DGKB: variants seen among roughly 807,000 people sequenced by gnomAD.
DGKB encodes 90 kDa diacylglycerol kinase.
A neutral mutation model predicts 114.3 loss-of-function variants in DGKB; 67 were observed. The observed-to-expected ratio is 0.59, with a 90% CI of 0.48 to 0.72. The LOEUF (loss-of-function observed/expected upper bound fraction) is 0.72. DGKB is among the 30% of genes least tolerant of loss of function. The pLI, the probability that DGKB is intolerant of heterozygous loss-of-function variation, is 0.00. For missense variants in DGKB, 907 were observed against 975.2 expected, an observed-to-expected ratio of 0.93 and a Z score of 0.93; for synonymous variants, 398 against 323.1, an observed-to-expected ratio of 1.23 and a Z score of -2.49.
chr7:14,912,394 CAGTT>C (rs928714872), intron 1 of DGKB, among the ~76,000 whole-genome samples: 3 of 151,962 alleles, frequency 2.0e-5, no homozygotes, highest in African/African-American at 7.3e-5. Flanking sequence ...AGAACATTAA[CAGTT>C]AGATCAAGCA....
chr7:14,449,614 A>G (rs1831188914), intron 21 of DGKB, among the ~76,000 whole-genome samples: 1 of 152,054 alleles, frequency 6.6e-6, no homozygotes, highest in South Asian at 2.1e-4. Context: ...TCAATTGCCT[A>G]TAATATCTGC....
At chr7:14,314,622 C>T (rs1460708285) in intron 23 of DGKB, among the ~76,000 whole-genome samples, 157 of 152,132 alleles carry the variant, frequency 1.0e-3, no homozygotes, top group South Asian at 2.3e-3. Flanking sequence ...CCAAGAACTA[C>T]GGGACTATGT....
intron 4 of DGKB, among the ~76,000 whole-genome samples, chr7:14,750,745 C>T (rs559652658): frequency 6.7e-6 from 1 of 150,344 alleles, no homozygotes; most frequent in East Asian, 2.0e-4. Context: ...ATTTATATTC[C>T]TTTAGTACCC....
intron 21 of DGKB, among the ~76,000 whole-genome samples, chr7:14,375,646 T>G (rs1171395822): frequency 6.6e-6 from 1 of 152,206 alleles, no homozygotes; most frequent in East Asian, 1.9e-4. Context: ...CCTTCTCAGG[T>G]AGGATTTCTT....
intron 13 of DGKB, among the ~76,000 whole-genome samples, chr7:14,635,431 G>C (rs993225726): frequency 2.7e-5 from 4 of 146,914 alleles, no homozygotes; most frequent in African/African-American, 5.1e-5. Context: ...GACAGAGGAA[G>C]CTCTTAGAAG....
intron 23 of DGKB, among the ~76,000 whole-genome samples, chr7:14,312,922 C>T (rs4473919): frequency 6.6e-6 from 1 of 152,120 alleles, no homozygotes. Flanking sequence ...GTATAATAAT[C>T]TGTGTCAATA....
chr7:14,920,415 T>TAAATATAA (rs1306519392), intron 1 of DGKB, among the ~76,000 whole-genome samples: 4 of 152,176 alleles, frequency 2.6e-5, no homozygotes, highest in Non-Finnish European at 5.9e-5. Flanking sequence ...TCATATGTTA[T>TAAATATAA]TAGGTAACTG....
At chr7:14,529,068 C>T (rs892569699) in intron 20 of DGKB, among the ~76,000 whole-genome samples, 1 of 151,776 alleles carries the variant, frequency 6.6e-6, no homozygotes, top group African/African-American at 2.4e-5. Flanking sequence ...CATTTTCTTC[C>T]TAAAATAATG....
Position 14,803,092 on chromosome 7 carries a change from T to A in DGKB, c.70+38102A>T, listed in dbSNP as rs543031798. Among the ~76,000 whole-genome samples, 20 of 152,072 alleles carry A rather than the reference T, an allele frequency of 1.3e-4. No individual in the cohort carries two copies. The South Asian group carries it at 4.2e-3, about 32-fold the overall frequency. Reference sequence around the variant, plus strand: ...CTTTTGGTGTCATTTGCACAAACTTTTTTTTTTTTCCATTTACTCATTTAC... The same window carrying A: ...CTTTTGGTGTCATTTGCACAAACTTATTTTTTTTTCCATTTACTCATTTAC... On this transcript the variant is annotated intron_variant, in intron 2 of 25. Coordinates refer to ENST00000402815, the MANE Select transcript of DGKB (RefSeq NM_001350709.2).
At chr7:14,835,870 T>C (rs1267960464) in intron 2 of DGKB, among the ~76,000 whole-genome samples, 2 of 152,204 alleles carry the variant, frequency 1.3e-5, no homozygotes, top group African/African-American at 4.8e-5. Context: ...ACAGTTCTGG[T>C]CCAGCTACTC....
intron 2 of DGKB, among the ~76,000 whole-genome samples, chr7:14,771,441 C>T (rs982707): frequency 0.38 from 57,510 of 151,872 alleles, 15,763 homozygotes; most frequent in African/African-American, 0.77. Context: ...TTACCCAATG[C>T]TGGTGATGTA....
chr7:14,584,045 T>C (rs1800346953), intron 17 of DGKB, among the ~76,000 whole-genome samples: 2 of 152,178 alleles, frequency 1.3e-5, no homozygotes, highest in Non-Finnish European at 2.9e-5. Flanking sequence ...TACACACATA[T>C]TTTCAACACG....
chr7:14,164,001 C>G (rs957938082), intron 25 of DGKB, among the ~76,000 whole-genome samples: 1 of 144,646 alleles, frequency 6.9e-6, no homozygotes, highest in Non-Finnish European at 1.5e-5. Context: ...ATCTCAAAAA[C>G]AAAAAACAAA....
intron 20 of DGKB, among the ~76,000 whole-genome samples, chr7:14,550,107 G>C (rs375373071): frequency 6.6e-6 from 1 of 151,708 alleles, no homozygotes; most frequent in East Asian, 1.9e-4. Context: ...TCTAGTTTGG[G>C]GTTTTAAGTA....
intron 2 of DGKB, among the ~76,000 whole-genome samples, chr7:14,839,282 A>G (rs1448548001): frequency 6.6e-6 from 1 of 152,184 alleles, no homozygotes; most frequent in Non-Finnish European, 1.5e-5. Context: ...AGAGCAGAGC[A>G]TATGGAAATT....
intron 17 of DGKB, among the ~76,000 whole-genome samples, chr7:14,595,735 G>A (rs1018790181): frequency 6.6e-6 from 1 of 151,578 alleles, no homozygotes; most frequent in Admixed American, 6.6e-5. Flanking sequence ...TTAATGCTTC[G>A]TTTTTACATT....
intron 21 of DGKB, among the ~76,000 whole-genome samples, chr7:14,418,282 T>TAC (rs1826049436): frequency 6.9e-6 from 1 of 145,568 alleles, no homozygotes; most frequent in Non-Finnish European, 1.5e-5. Flanking sequence ...ATTTTATATA[T>TAC]GTGTGTATAT....
At chr7:14,955,195 A>T (rs1021290662) in intron 1 of DGKB, among the ~76,000 whole-genome samples, 2 of 152,076 alleles carry the variant, frequency 1.3e-5, no homozygotes, top group Non-Finnish European at 2.9e-5. Context: ...ATCATTTGCA[A>T]GAACAAATCT....
intron 20 of DGKB, among the ~76,000 whole-genome samples, chr7:14,518,599 A>G (rs1789231359): frequency 6.6e-6 from 1 of 152,130 alleles, no homozygotes; most frequent in Admixed American, 6.6e-5. Context: ...ACATTAAAAA[A>G]TAAGTTTTTG....
Sources: allele counts gnomAD v4.1 joint callset (sites outside exome capture counted in the v4.1 genomes callset), GRCh38; gene constraint gnomAD v4.1.1; transcripts MANE v1.5; gene names NCBI Gene and HGNC (gene_info 2026-07-23, HGNC 2026-07-21).